The following BBS9 variants were observed in gnomAD, a reference collection of about 807,000 sequenced individuals.
The protein encoded by BBS9 is Bardet-Biedl syndrome 9, also known as protein PTHB1.
BBS9 carries 89 observed loss-of-function variants against 117.7 expected under a neutral mutation model. The observed-to-expected ratio is 0.76, with a 90% CI of 0.64 to 0.90. BBS9 has a LOEUF of 0.90. BBS9 is among the 40% of genes least tolerant of loss of function. The probability of loss-of-function intolerance (pLI) is 0.00; values close to 1 mark genes in which losing one functional copy is unlikely to be tolerated. For missense variants in BBS9, 982 were observed against 1,042.2 expected (o/e 0.94, Z 0.80); for synonymous variants, 379 against 370.9 (o/e 1.02, Z -0.25).
chr7:33,378,935 C>G (rs1824424917), intron 17 of BBS9, among the ~76,000 whole-genome samples: 2 of 152,292 alleles, frequency 1.3e-5, no homozygotes, highest in African/African-American at 4.8e-5. Flanking sequence ...CATGTTTTTT[C>G]CCCAGTGATA....
intron 9 of BBS9, among the ~76,000 whole-genome samples, chr7:33,334,462 G>GT (rs1291475509): frequency 2.0e-5 from 3 of 152,150 alleles, no homozygotes; most frequent in Non-Finnish European, 4.4e-5. Flanking sequence ...GTAGGGCTTA[G>GT]TGGGGCTAGC....
In BBS9 at chr7:33,468,569, A is replaced by G. The variant is rs1423327946; in HGVS notation, c.2116-36894A>G. 2.6e-5 allele frequency among the ~76,000 whole-genome samples: 4 copies of G among 152,138 alleles called. No homozygotes were observed. In the South Asian group the frequency reaches 6.2e-4, roughly 24 times the overall value. On this transcript the variant is annotated intron_variant, in intron 19 of 22. Transcript: ENST00000242067. ...CTAGCTATCTTGAAATATATAACAA[A>G]CTATAATCATCCTACTGTGCTATCA...
chr7:33,529,480 A>G (rs771511399), intron 20 of BBS9, among the ~76,000 whole-genome samples: 1 of 79,968 alleles, frequency 1.3e-5, no homozygotes, highest in Non-Finnish European at 2.4e-5. Flanking sequence ...AGACTAGACA[A>G]AGTAAACCAA....
At chr7:33,521,555 A>G (rs1281094936) in intron 20 of BBS9, among the ~76,000 whole-genome samples, 2 of 152,228 alleles carry the variant, frequency 1.3e-5, no homozygotes, top group Non-Finnish European at 2.9e-5. Context: ...AATGAGAGTT[A>G]GTAGATTACA....
Position 33,565,843 on chromosome 7 carries a change from CTTATA to C in BBS9, c.2521+31669_2521+31673del, listed in dbSNP as rs869158986. Among the ~76,000 whole-genome samples the C allele has an allele frequency of 1.0e-3, 34 of 34,048 alleles. 1 individual carries two copies. The highest frequency in any genetic ancestry group is 1.3e-3 in the Admixed American group (5 of 3,818). The allele number at this position is 34,048 out of a possible 152,430, so 22.3% of individuals were successfully genotyped here. ...TATATATATACCGCTATATATACTG[CTTATA>C]TATATATATATATATATATATAGCT... On this transcript the variant is annotated intron_variant, in intron 21 of 22. Coordinates refer to ENST00000242067, the MANE Select transcript of BBS9 (RefSeq NM_198428.3).
chr7:33,382,389 G>A (rs1205246867), intron 17 of BBS9, among the ~76,000 whole-genome samples: 1 of 151,278 alleles, frequency 6.6e-6, no homozygotes, highest in Non-Finnish European at 1.5e-5. Context: ...GGACCAGGGA[G>A]GCTGAGGTTA....
chr7:33,244,248 TAAAC>T (rs1197887968), intron 5 of BBS9, among the ~76,000 whole-genome samples: 5 of 151,812 alleles, frequency 3.3e-5, no homozygotes, highest in Admixed American at 3.3e-4. Context: ...AACAAACAAA[TAAAC>T]AAACAAACAT....
intron 9 of BBS9, among the ~76,000 whole-genome samples, chr7:33,297,630 G>A (rs1299745945): frequency 6.6e-6 from 1 of 151,994 alleles, no homozygotes. Flanking sequence ...TTTGTGGAGT[G>A]GGCAACAAAA....
At chr7:33,313,366 G>C (rs1309909353) in intron 9 of BBS9, among the ~76,000 whole-genome samples, 5 of 152,134 alleles carry the variant, frequency 3.3e-5, no homozygotes, top group Non-Finnish European at 7.4e-5. Flanking sequence ...AATGAAAGAA[G>C]TTGCGTCAAA....
chr7:33,387,652 C>T (rs1254598414), intron 18 of BBS9, among the ~76,000 whole-genome samples: 1 of 152,012 alleles, frequency 6.6e-6, no homozygotes, highest in Non-Finnish European at 1.5e-5. Flanking sequence ...TTTATTGTGT[C>T]TAAACTTTTA....
At chr7:33,530,064 AGGT>A (rs1850333828) in intron 20 of BBS9, among the ~76,000 whole-genome samples, 1 of 152,198 alleles carries the variant, frequency 6.6e-6, no homozygotes, top group Admixed American at 6.5e-5. Context: ...ATATTTCCAT[AGGT>A]AAGTATGCTA....
At chr7:33,532,744 A>T (rs553445742) in intron 20 of BBS9, among the ~76,000 whole-genome samples, 56 of 152,268 alleles carry the variant, frequency 3.7e-4, no homozygotes, top group African/African-American at 1.3e-3. Flanking sequence ...TCTGATTTGC[A>T]TATTTGAATG....
At chr7:33,633,044 G>C (rs1384466700) in intron 21 of BBS9, among the ~76,000 whole-genome samples, 1 of 152,102 alleles carries the variant, frequency 6.6e-6, no homozygotes, top group African/African-American at 2.4e-5. Flanking sequence ...CCCAAACTAG[G>C]ATTAACCAAA....
intron 21 of BBS9, among the ~76,000 whole-genome samples, chr7:33,569,110 T>C (rs1168399324): frequency 6.6e-6 from 1 of 152,206 alleles, no homozygotes; most frequent in African/African-American, 2.4e-5. Context: ...AGCCTGACTT[T>C]ATTGTGAATT....
chr7:33,236,231 C>T (rs1359201240), intron 5 of BBS9, among the ~76,000 whole-genome samples: 1 of 147,344 alleles, frequency 6.8e-6, no homozygotes, highest in Non-Finnish European at 1.5e-5. Flanking sequence ...GAGGCTGAGG[C>T]AGGAGAATTG....
At chr7:33,532,461 C>T (rs551683733) in intron 20 of BBS9, among the ~76,000 whole-genome samples, 18 of 152,134 alleles carry the variant, frequency 1.2e-4, no homozygotes, top group Non-Finnish European at 2.2e-4. Context: ...GGGGAGATGT[C>T]GGGAAACTTA....
intron 20 of BBS9, among the ~76,000 whole-genome samples, chr7:33,508,366 A>T (rs1846437986): frequency 6.6e-6 from 1 of 152,052 alleles, no homozygotes; most frequent in South Asian, 2.1e-4. Context: ...GTTGCTTTGA[A>T]CTCTGTTGCC....
intron 5 of BBS9, among the ~76,000 whole-genome samples, chr7:33,192,526 C>T (rs577564503): frequency 1.3e-5 from 2 of 152,290 alleles, no homozygotes; most frequent in African/African-American, 4.8e-5. Flanking sequence ...TAAGCTTCTG[C>T]TTATTCTTTC....
chr7:33,600,266 G>T (rs1863592189), intron 21 of BBS9, among the ~76,000 whole-genome samples: 1 of 152,128 alleles, frequency 6.6e-6, no homozygotes, highest in Non-Finnish European at 1.5e-5. Flanking sequence ...GCTTTTTTAC[G>T]ACTGTTGAAC....
Sources: allele counts gnomAD v4.1 joint callset (sites outside exome capture counted in the v4.1 genomes callset), GRCh38; gene constraint gnomAD v4.1.1; transcripts MANE v1.5; gene names NCBI Gene and HGNC (gene_info 2026-07-23, HGNC 2026-07-21).